PCDHGA5: variants seen among roughly 807,000 people sequenced by gnomAD.
PCDHGA5 encodes the protein protocadherin gamma subfamily A, 5.
A neutral mutation model predicts 56.7 loss-of-function variants in PCDHGA5; 36 were observed. That is an observed-to-expected ratio of 0.64 (90% confidence interval 0.49 to 0.84). The LOEUF (loss-of-function observed/expected upper bound fraction) is 0.84. Ranked by LOEUF, PCDHGA5 falls within the 40% of genes least tolerant of loss-of-function variation. The pLI, the probability that PCDHGA5 is intolerant of heterozygous loss-of-function variation, is 0.00. For missense variants in PCDHGA5, 1,305 were observed against 1,201.5 expected (o/e 1.09, Z -1.27); for synonymous variants, 563 against 520.2 (o/e 1.08, Z -1.12).
At chr5:141,443,538 G>C (rs768723399) in intron 1 of PCDHGA5, among the ~76,000 whole-genome samples, 11 of 152,118 alleles carry the variant, frequency 7.2e-5, no homozygotes. Flanking sequence ...TTTAAAGCTT[G>C]GGAAATTGTT....
rs1562137380 is a variant in PCDHGA5, at chr5:141,490,297, G to T, written c.2422-4510G>T. On this transcript the variant is annotated intron_variant, in intron 1 of 3. Coordinates refer to ENST00000518069, the MANE Select transcript of PCDHGA5 (RefSeq NM_018918.3). This position sits in a 1 kb window ranked among gnomAD's most constrained non-coding sequence, Gnocchi z 5.4. The stretch of plus-strand genomic sequence containing the variant: ...TGACAATGCCCCAGAGGTGCTATTG[G>T]CCTCTTTGGCCAACCCTGTCCTAGA... 2 of 1,614,202 alleles carry T rather than the reference G, an allele frequency of 1.2e-6. No individual in the cohort carries two copies. Among genetic ancestry groups the T allele is most frequent in the South Asian group, 1.1e-5 (1 of 91,086 alleles).
chr5:141,415,163 C>G (rs572456395), intron 1 of PCDHGA5: 11 of 1,613,856 alleles, frequency 6.8e-6, no homozygotes, highest in African/African-American at 1.3e-5. Context: ...GCCACTGTCA[C>G]GCTCACCGTG....
Position 141,486,534 on chromosome 5 carries a change from C to G in PCDHGA5, c.2422-8273C>G. The stretch of plus-strand genomic sequence containing the variant: ...TCAGATGTGAATGATAATCCACCCT[C>G]TTTCTTTCAGAGGTCACATGAGGTG... On this transcript the variant is annotated intron_variant, in intron 1 of 3. Transcript: ENST00000518069. The surrounding 1 kb of genome is among the most constrained non-coding windows in gnomAD (Gnocchi z 5.0). 1 of 1,614,176 alleles carries G rather than the reference C, an allele frequency of 6.2e-7. No individual in the cohort carries two copies. Among genetic ancestry groups the G allele is most frequent in the Non-Finnish European group, 8.5e-7 (1 of 1,180,030 alleles).
Position 141,384,271 on chromosome 5 carries a change from T to G in PCDHGA5, c.2421+17520T>G, listed in dbSNP as rs763450732. On this transcript the variant is annotated intron_variant, in intron 1 of 3. Coordinates refer to ENST00000518069, the MANE Select transcript of PCDHGA5 (RefSeq NM_018918.3). ...ACCCACCTTCCCCCACTCATCCTAC[T>G]CAGTCTACATCGCTGAGAACAACCC... is the stretch of plus-strand genomic sequence containing the variant. The G allele has an allele frequency of 4.0e-5, 65 of 1,613,734 alleles. No individual in the cohort carries two copies. The Admixed American group carries it at 5.7e-4, about 14-fold the overall frequency.
chr5:141,417,112 G>T (rs1399534957), intron 1 of PCDHGA5: 3 of 152,030 alleles, frequency 2.0e-5, no homozygotes, highest in African/African-American at 7.3e-5. Flanking sequence ...AGCAATACAG[G>T]ACACCCTGGA....
intron 1 of PCDHGA5, chr5:141,415,909 C>T: frequency 2.6e-6 from 2 of 761,032 alleles, no homozygotes; most frequent in Non-Finnish European, 3.7e-6. Context: ...GACTTCCATA[C>T]AGAAGTGCCT....
intron 1 of PCDHGA5, among the ~76,000 whole-genome samples, chr5:141,471,046 CT>C (rs1170588345): frequency 0.24 from 27,253 of 113,216 alleles, 2,739 homozygotes; most frequent in African/African-American, 0.39. Context: ...CCCAAGCCCT[CT>C]TTTTTTTTTT....
intron 1 of PCDHGA5, among the ~76,000 whole-genome samples, chr5:141,492,586 G>C (rs1451055991): frequency 6.6e-6 from 1 of 152,220 alleles, no homozygotes; most frequent in Admixed American, 6.5e-5. Context: ...GGGGCCAGGA[G>C]CGCTGGAGCG....
intron 1 of PCDHGA5, among the ~76,000 whole-genome samples, chr5:141,467,628 CA>C (rs1301043003): frequency 6.6e-6 from 1 of 152,106 alleles, no homozygotes; most frequent in Non-Finnish European, 1.5e-5. Context: ...TTTGAGATAG[CA>C]TCTTTATCAT....
At position 141,431,203 on chromosome 5, in the gene PCDHGA5, T is replaced by C. The variant is rs139061906; in HGVS notation, c.2422-63604T>C. On this transcript the variant is annotated intron_variant, in intron 1 of 3. Coordinates refer to ENST00000518069, the MANE Select transcript of PCDHGA5 (RefSeq NM_018918.3). This position sits in a 1 kb window ranked among gnomAD's most constrained non-coding sequence, Gnocchi z 4.8. ...TAAAAATTAGTGAAAATGCAGCCACTGAGATGCGGTTCCCTCTACCCCACG... is the reference window on the plus strand; with the variant it reads ...TAAAAATTAGTGAAAATGCAGCCACCGAGATGCGGTTCCCTCTACCCCACG... The C allele has an allele frequency of 3.1e-6, 5 of 1,614,116 alleles. No individual in the cohort carries two copies. The highest frequency in any genetic ancestry group is 1.1e-5 in the South Asian group (1 of 91,090).
chr5:141,431,438 C>A lies in PCDHGA5; in HGVS notation c.2422-63369C>A, dbSNP rs773812765. 6.2e-7 allele frequency: 1 copy of A among 1,613,612 alleles called. No homozygotes were observed. The highest frequency in any genetic ancestry group is 1.7e-5 in the Admixed American group (1 of 60,004). ...CGACCCGGTGCGCACAGGCACCGCG[C>A]GCATCCGCGTGATGGTTCTGGATGC... On this transcript the variant is annotated intron_variant, in intron 1 of 3. Coordinates refer to ENST00000518069, the MANE Select transcript of PCDHGA5 (RefSeq NM_018918.3). This position sits in a 1 kb window ranked among gnomAD's most constrained non-coding sequence, Gnocchi z 4.8.
intron 1 of PCDHGA5, among the ~76,000 whole-genome samples, chr5:141,447,761 T>C (rs2098551051): frequency 1.3e-5 from 2 of 152,186 alleles, no homozygotes; most frequent in African/African-American, 4.8e-5. Context: ...TGACTGTATA[T>C]AAATTATACT....
rs1006751011 is a variant in PCDHGA5, at chr5:141,431,033, C to T, written c.2422-63774C>T. ...CTTGGTCACGGCGGGCAGGATAGAC[C>T]GGGAGGAGCTCTGTATGGGGGCCAT... On this transcript the variant is annotated intron_variant, in intron 1 of 3. Coordinates refer to ENST00000518069, the MANE Select transcript of PCDHGA5 (RefSeq NM_018918.3). This position sits in a 1 kb window ranked among gnomAD's most constrained non-coding sequence, Gnocchi z 4.8. 1.2e-6 allele frequency: 2 copies of T among 1,613,864 alleles called. No homozygotes were observed. The highest frequency in any genetic ancestry group is 1.3e-5 in the African/African-American group (1 of 74,924).
chr5:141,422,580 C>T (rs1310564205), intron 1 of PCDHGA5: 10 of 1,613,934 alleles, frequency 6.2e-6, no homozygotes, highest in Non-Finnish European at 8.5e-6. Flanking sequence ...ATAACCCTCC[C>T]GTTTTTCCTC....
rs370299433 is a variant in PCDHGA5 at position 141,476,360 on chromosome 5, G to A, written c.2422-18447G>A. 5.3e-5 allele frequency: 86 copies of A among 1,614,186 alleles called. No homozygotes were observed. The highest frequency in any genetic ancestry group is 6.7e-5 in the Non-Finnish European group (79 of 1,180,042). ...CCGAAGATTCTTTGAGGTGAACCGG[G>A]AGACCGGAGAGATGTTTGTGAACGA... On this transcript the variant is annotated intron_variant, in intron 1 of 3. Transcript: ENST00000518069. This position sits in a 1 kb window ranked among gnomAD's most constrained non-coding sequence, Gnocchi z 7.6.
intron 1 of PCDHGA5, chr5:141,427,328 T>G (rs951396612): frequency 1.6e-4 from 74 of 457,122 alleles, no homozygotes; most frequent in Admixed American, 1.2e-3. Context: ...TGGTTTTTAC[T>G]TCAGTGTCCA....
chr5:141,392,896 G>A, intron 1 of PCDHGA5: 1 of 1,613,812 alleles, frequency 6.2e-7, no homozygotes, highest in Non-Finnish European at 8.5e-7. Flanking sequence ...GAAATCGGGA[G>A]GGGACAGATT....
At chr5:141,437,040 C>G (rs188070264) in intron 1 of PCDHGA5, among the ~76,000 whole-genome samples, 1 of 152,266 alleles carries the variant, frequency 6.6e-6, no homozygotes, top group African/African-American at 2.4e-5. Flanking sequence ...ATCACCGAAA[C>G]CAGAAGGCTG....
chr5:141,467,908 C>G (rs2099154038), intron 1 of PCDHGA5, among the ~76,000 whole-genome samples: 1 of 152,172 alleles, frequency 6.6e-6, no homozygotes, highest in Non-Finnish European at 1.5e-5. Flanking sequence ...ATCCGCCCAC[C>G]TCAGCCTCCC....
Sources: gnomAD v4.1 joint callset for allele counts (sites outside exome capture counted in the v4.1 genomes callset) on GRCh38, gnomAD v4.1.1 for gene constraint, Gnocchi (gnomAD v3.1) non-coding constraint, MANE v1.5 for transcripts, NCBI Gene and HGNC (gene_info 2026-07-23, HGNC 2026-07-21) for gene names.